Variants in CAMTA1 observed in about 807,000 individuals in gnomAD.
CAMTA1 encodes calmodulin-binding transcription activator 1.
A neutral mutation model predicts 170.9 loss-of-function variants in CAMTA1; 27 were observed. That is an observed-to-expected ratio of 0.16 (90% CI 0.12 to 0.22). The LOEUF (loss-of-function observed/expected upper bound fraction) is 0.22, where lower values mean the gene tolerates loss of function less well. Ranked by LOEUF, CAMTA1 falls within the 10% of genes least tolerant of loss-of-function variation. The probability of loss-of-function intolerance (pLI) is 1.00; values close to 1 mark genes in which losing one functional copy is unlikely to be tolerated. For missense variants in CAMTA1, 1,619 were observed against 2,217.2 expected, an observed-to-expected ratio of 0.73 and a Z score of 5.42; for synonymous variants, 833 against 891.5, an observed-to-expected ratio of 0.93 and a Z score of 1.17.
At chr1:7,451,046 A>C (rs2092812038) in intron 5 of CAMTA1, among the ~76,000 whole-genome samples, 1 of 152,166 alleles carries the variant, frequency 6.6e-6, no homozygotes, top group South Asian at 2.1e-4. Flanking sequence ...TAATAGATGT[A>C]GGCTCTTCAG....
At chr1:7,289,864 C>T (rs970737206) in intron 5 of CAMTA1, among the ~76,000 whole-genome samples, 1 of 152,148 alleles carries the variant, frequency 6.6e-6, no homozygotes, top group African/African-American at 2.4e-5. Flanking sequence ...CTCCCCAGAG[C>T]CTTCAGAGAG....
Position 7,565,446 on chromosome 1 carries a change from G to A in CAMTA1, c.511-74954G>A, listed in dbSNP as rs769891743. Among the ~76,000 whole-genome samples the A allele has an allele frequency of 1.2e-4, 18 of 152,178 alleles. No individual in the cohort carries two copies. Among genetic ancestry groups the A allele is most frequent in the Admixed American group, 7.9e-4 (12 of 15,276 alleles). ...AGGGACAACCCAGGTCCCTGACCAC[G>A]TGGTAGAGTGAAGAGGCCAGGAACA... On this transcript the variant is annotated intron_variant, in intron 6 of 22. Coordinates refer to ENST00000303635, the MANE Select transcript of CAMTA1 (RefSeq NM_015215.4). This position sits in a 1 kb window ranked among gnomAD's most constrained non-coding sequence, Gnocchi z 4.5.
intron 3 of CAMTA1, among the ~76,000 whole-genome samples, chr1:7,001,381 A>G (rs535764994): frequency 6.6e-6 from 1 of 152,336 alleles, no homozygotes; most frequent in African/African-American, 2.4e-5. Flanking sequence ...CTGCACTTGA[A>G]TATTTTCAGA....
Position 7,570,298 on chromosome 1 carries a change from G to C in CAMTA1, c.511-70102G>C, listed in dbSNP as rs2095109843. Among the ~76,000 whole-genome samples the C allele has an allele frequency of 6.6e-6, 1 of 152,222 alleles. No homozygotes were observed. Among genetic ancestry groups the C allele is most frequent in the Non-Finnish European group, 1.5e-5 (1 of 68,042 alleles). On this transcript the variant is annotated intron_variant, in intron 6 of 22. Coordinates refer to ENST00000303635, the MANE Select transcript of CAMTA1 (RefSeq NM_015215.4). The surrounding 1 kb of genome is among the most constrained non-coding windows in gnomAD (Gnocchi z 4.3). Reference sequence around the variant, plus strand: ...AGGAGATGCAACCCTTCCTTTAAAAGTTCCTACATTCCACTGTAGGTCAAT... The same window carrying C: ...AGGAGATGCAACCCTTCCTTTAAAACTTCCTACATTCCACTGTAGGTCAAT...
chr1:6,961,774 G>A (rs1690452443), intron 3 of CAMTA1, among the ~76,000 whole-genome samples: 3 of 152,220 alleles, frequency 2.0e-5, no homozygotes, highest in Admixed American at 6.5e-5. Flanking sequence ...TTGAATGTTT[G>A]AAAACTGGGT....
chr1:7,745,503 G>C (rs1025361256), intron 17 of CAMTA1, among the ~76,000 whole-genome samples: 1 of 152,094 alleles, frequency 6.6e-6, no homozygotes, highest in East Asian at 1.9e-4. Context: ...CCCAGTCTGC[G>C]CAACAGAGCA....
chr1:7,385,444 T>C (rs892536051), intron 5 of CAMTA1, among the ~76,000 whole-genome samples: 3 of 152,238 alleles, frequency 2.0e-5, no homozygotes, highest in African/African-American at 7.2e-5. Context: ...GCCTTGCTGT[T>C]TGAATAGCGT....
chr1:6,880,338 G>A (rs1671159116), intron 3 of CAMTA1, among the ~76,000 whole-genome samples: 3 of 148,242 alleles, frequency 2.0e-5, no homozygotes, highest in Middle Eastern at 7.3e-3. Context: ...ACCTCCCAAC[G>A]TGTGGGGTTA....
chr1:7,346,189 G>A (rs1574831478), intron 5 of CAMTA1, among the ~76,000 whole-genome samples: 1 of 152,308 alleles, frequency 6.6e-6, no homozygotes, highest in East Asian at 1.9e-4. Flanking sequence ...TGGAAGCTAT[G>A]AACTGAGAAG....
chr1:6,882,595 G>A (rs1367463093), intron 3 of CAMTA1, among the ~76,000 whole-genome samples: 2 of 152,120 alleles, frequency 1.3e-5, no homozygotes, highest in Non-Finnish European at 2.9e-5. Flanking sequence ...GAGGAGGGGT[G>A]AAGAGAATGT....
At chr1:7,695,194 A>G (rs9434903) in intron 11 of CAMTA1, among the ~76,000 whole-genome samples, 74,733 of 151,848 alleles carry the variant, frequency 0.49, 18,611 homozygotes, top group East Asian at 0.66. Context: ...ACGAGGTGGG[A>G]CCTGATGCCC....
chr1:7,453,573 G>A (rs1026707343), intron 5 of CAMTA1, among the ~76,000 whole-genome samples: 6 of 152,234 alleles, frequency 3.9e-5, no homozygotes, highest in Admixed American at 3.3e-4. Flanking sequence ...GGCCTTCCCT[G>A]GTCCCCCCAA....
chr1:7,237,142 A>T (rs1178577167), intron 4 of CAMTA1, among the ~76,000 whole-genome samples: 1 of 152,226 alleles, frequency 6.6e-6, no homozygotes, highest in East Asian at 1.9e-4. Context: ...TTTGGGTTCC[A>T]GCTGGAAAAA....
chr1:6,835,502 A>G (rs1334876398), intron 3 of CAMTA1, among the ~76,000 whole-genome samples: 14 of 152,242 alleles, frequency 9.2e-5, no homozygotes, highest in Admixed American at 9.2e-4. Flanking sequence ...TGGAGTCAGA[A>G]TCACCTGGGA....
chr1:7,160,972 C>G (rs1430916710), intron 4 of CAMTA1, among the ~76,000 whole-genome samples: 1 of 152,216 alleles, frequency 6.6e-6, no homozygotes, highest in African/African-American at 2.4e-5. Context: ...CTCTGTCCTT[C>G]TTAAGCCCAT....
At chr1:7,045,925 GT>G (rs772334669) in intron 3 of CAMTA1, among the ~76,000 whole-genome samples, 2 of 152,236 alleles carry the variant, frequency 1.3e-5, no homozygotes, top group Non-Finnish European at 2.9e-5. Context: ...GCATTTGGCA[GT>G]GATGCACTGA....
chr1:7,054,752 G>A (rs981637581), intron 3 of CAMTA1, among the ~76,000 whole-genome samples: 5 of 152,218 alleles, frequency 3.3e-5, no homozygotes, highest in Non-Finnish European at 7.3e-5. Context: ...GGCCTTCAGT[G>A]TTCTCATCTG....
intron 11 of CAMTA1, among the ~76,000 whole-genome samples, chr1:7,713,177 T>C (rs544170653): frequency 1.3e-4 from 20 of 152,190 alleles, no homozygotes; most frequent in Non-Finnish European, 2.2e-4. Flanking sequence ...GAGGCAATGA[T>C]AGTGGGGAGA....
intron 5 of CAMTA1, among the ~76,000 whole-genome samples, chr1:7,367,702 C>A (rs749876770): frequency 6.6e-6 from 1 of 152,268 alleles, no homozygotes; most frequent in Non-Finnish European, 1.5e-5. Context: ...GCCAATACCA[C>A]GATAGATGTC....
Sources: gnomAD v4.1 joint callset for allele counts (sites outside exome capture counted in the v4.1 genomes callset) on GRCh38, gnomAD v4.1.1 for gene constraint, Gnocchi (gnomAD v3.1) non-coding constraint, MANE v1.5 for transcripts, NCBI Gene and HGNC (gene_info 2026-07-23, HGNC 2026-07-21) for gene names.